Variants in TRPM5 observed in about 807,000 individuals in gnomAD.
TRPM5 encodes the protein transient receptor potential cation channel subfamily M member 5.
In TRPM5, 121 loss-of-function variants were observed where a neutral mutation model predicts 124.9. The observed-to-expected ratio is 0.97, with a 90% CI of 0.84 to 1.13. TRPM5 has a LOEUF of 1.13. Ranked by LOEUF, TRPM5 falls within the 50% of genes most tolerant of loss-of-function variation. The pLI, the probability that TRPM5 is intolerant of heterozygous loss-of-function variation, is 0.00. For missense variants in TRPM5, 1,643 were observed against 1,589.1 expected, an observed-to-expected ratio of 1.03 and a Z score of -0.58; for synonymous variants, 781 against 700.5, an observed-to-expected ratio of 1.11 and a Z score of -1.81.
intron 18 of TRPM5, among the ~76,000 whole-genome samples, chr11:2,409,391 C>G (rs1055497265): frequency 6.6e-6 from 1 of 152,156 alleles, no homozygotes; most frequent in African/African-American, 2.4e-5. Flanking sequence ...ATGAGACCCC[C>G]ACACCCTCCC....
At chr11:2,419,445 T>C (rs1376843807) in intron 4 of TRPM5, among the ~76,000 whole-genome samples, 1 of 75,988 alleles carries the variant, frequency 1.3e-5, no homozygotes, top group African/African-American at 6.3e-5. Flanking sequence ...CCGTCTCTAC[T>C]GGGAAAAAAA....
chr11:2,423,213 C>G (rs193052405), upstream of TRPM5, among the ~76,000 whole-genome samples: 692 of 152,282 alleles, frequency 4.5e-3, 6 homozygotes, highest in African/African-American at 0.016. Context: ...GACCTTCTCT[C>G]CAGCCAGGCC....
chr11:2,416,314 G>A lies in TRPM5; in HGVS notation c.1010-290C>T, dbSNP rs147100290. On this transcript the variant is annotated intron_variant, in intron 7 of 23. Transcript: ENST00000155858. ...GTACCCCAGCTAACACCTGGGCCTC[G>A]AGGCCACTTCCTGGCACTGAAGGTC... Among the ~76,000 whole-genome samples the A allele has an allele frequency of 4.7e-3, 710 of 152,328 alleles. 7 individuals are homozygous for A. Among genetic ancestry groups the A allele is most frequent in the Non-Finnish European group, 8.3e-3 (564 of 68,028 alleles).
the TRPM5 span, among the ~76,000 whole-genome samples, chr11:2,439,768 A>G: frequency 0.011 from 1,711 of 152,342 alleles, 29 homozygotes; most frequent in African/African-American, 0.037. Flanking sequence ...AGCAGTTTGG[A>G]GATTTCCCAA....
At chr11:2,422,802 G>T in intron 1 of TRPM5, 118 bp downstream of exon 6, 1 of 883,512 alleles carries the variant, frequency 1.1e-6, no homozygotes, top group Admixed American at 1.8e-5. Context: ...TATGGCCCCA[G>T]GGGAGCAGAC....
Position 2,422,061 on chromosome 11 carries a change from T to C in TRPM5, c.298+80A>G, listed in dbSNP as rs552056014. Reference sequence around the variant, plus strand: ...TGCCCTGTGGGGTGGGAGCACTGCCTGTGCCGGGTTGCGGGGACAGTCAGG... The same window carrying C: ...TGCCCTGTGGGGTGGGAGCACTGCCCGTGCCGGGTTGCGGGGACAGTCAGG... On this transcript the variant is annotated intron_variant, in intron 2 of 23. Transcript: ENST00000155858. 3 of 1,459,050 alleles carry C rather than the reference T, an allele frequency of 2.1e-6. No homozygotes were observed. The South Asian group carries it at 4.0e-5, about 20-fold the overall frequency. 90.4% of individuals were successfully genotyped at this position (1,459,050 alleles called of 1,614,324 possible).
At position 2,404,981 on chromosome 11, in the gene TRPM5, C is replaced by T. The variant is rs1850283638; in HGVS notation, c.3454G>A (p.Gly1152Ser). Residue 1152 changes from glycine to serine, a missense_variant, in exon 24 of 24, where the codon GGC (glycine) becomes AGC (serine). Physicochemically the swap from Gly to Ser is moderately conservative, Grantham distance 56. Coordinates refer to ENST00000155858, the Ensembl canonical transcript of TRPM5. Reference sequence around the variant, plus strand: ...TGGCCAGCCCCGGGTTGTTCCCAGCCATCTAAACCACCTCTGTGGTCAGCA... The same window carrying T: ...TGGCCAGCCCCGGGTTGTTCCCAGCTATCTAAACCACCTCTGTGGTCAGCA... 2 of 1,612,768 alleles carry T rather than the reference C, an allele frequency of 1.2e-6. No individual in the cohort carries two copies. Among genetic ancestry groups the T allele is most frequent in the Non-Finnish European group, 1.7e-6 (2 of 1,179,934 alleles).
chr11:2,413,212 AG>A lies in TRPM5; in HGVS notation c.2017del (p.Leu673Ter). On this transcript the variant is annotated frameshift_variant, in exon 14 of 24. Coordinates refer to ENST00000155858, the Ensembl canonical transcript of TRPM5. LOFTEE classifies it high-confidence loss of function. Reference sequence around the variant, plus strand: ...CTGCAGGTCCTCCAGGCCTGTCCTCAGGGGAGCTTCCTCACTGCGAGCACAG... The same window carrying A: ...CTGCAGGTCCTCCAGGCCTGTCCTCAGGGAGCTTCCTCACTGCGAGCACAG... 6.5e-7 allele frequency: 1 copy of A among 1,548,974 alleles called. No individual in the cohort carries two copies.
the TRPM5 span, among the ~76,000 whole-genome samples, chr11:2,443,771 G>A: frequency 2.6e-5 from 4 of 152,126 alleles, no homozygotes; most frequent in Non-Finnish European, 5.9e-5. The surrounding 1 kb of genome is among the most constrained non-coding windows in gnomAD (Gnocchi z 5.0). Context: ...CCTGCCTCAG[G>A]GCTGTGTGCA....
downstream of TRPM5, among the ~76,000 whole-genome samples, chr11:2,404,201 GGT>G (rs1371422115): frequency 1.3e-5 from 2 of 152,228 alleles, no homozygotes; most frequent in Non-Finnish European, 2.9e-5. Flanking sequence ...TGACAAAATG[GGT>G]GTGGACAGAG....
exon 23 of TRPM5, chr11:2,405,572 C>G (rs1322648712): frequency 6.4e-7 from 1 of 1,564,684 alleles, no homozygotes; most frequent in East Asian, 2.3e-5. Flanking sequence ...ACGGAGGACA[C>G]GAGCACCGAG....
At chr11:2,405,209 T>C (rs111762467) in intron 23 of TRPM5, among the ~76,000 whole-genome samples, 166 bp from the exon 29 acceptor site, 4,759 of 152,336 alleles carry the variant, frequency 0.031, 117 homozygotes, top group African/African-American at 0.055. Flanking sequence ...ACCAGGCCTC[T>C]GCCTGCACTC....
chr11:2,412,630 G>A (rs971240356), intron 15 of TRPM5, 124 bp downstream of exon 20: 4 of 1,073,448 alleles, frequency 3.7e-6, no homozygotes, highest in Non-Finnish European at 5.2e-6. Flanking sequence ...GGGAAGATGG[G>A]AGGCCCCCAT....
the TRPM5 span, among the ~76,000 whole-genome samples, chr11:2,442,975 C>T: frequency 1.4e-4 from 21 of 152,168 alleles, no homozygotes; most frequent in Admixed American, 3.3e-4. The surrounding 1 kb of genome is among the most constrained non-coding windows in gnomAD (Gnocchi z 5.9). Context: ...CCTTTGTGAT[C>T]GAAACTGCAA....
chr11:2,407,294 C>T (rs774395803), exon 20 of TRPM5: 37 of 1,608,730 alleles, frequency 2.3e-5, no homozygotes, highest in Non-Finnish European at 3.0e-5. Context: ...CCACCTGGAA[C>T]GTGTAGCTGC....
chr11:2,409,930 C>G (rs1018787333), intron 18 of TRPM5, among the ~76,000 whole-genome samples: 4 of 152,182 alleles, frequency 2.6e-5, no homozygotes, highest in Admixed American at 6.5e-5. Context: ...TATGGCCAGG[C>G]CTGTCTCCTC....
chr11:2,414,031 C>G, intron 12 of TRPM5, 30 bp downstream of exon 17: 1 of 1,531,984 alleles, frequency 6.5e-7, no homozygotes, highest in Non-Finnish European at 8.8e-7. Flanking sequence ...CACCCCCTGG[C>G]AGCTCTCCTC....
At chr11:2,420,383 G>T in exon 4 of TRPM5, 2 of 1,612,076 alleles carry the variant, frequency 1.2e-6, no homozygotes, top group Non-Finnish European at 1.7e-6. Context: ...GTCATCCTCA[G>T]GGTAGTGGAC....
chr11:2,443,833 C>CA, the TRPM5 span, among the ~76,000 whole-genome samples: 1 of 148,044 alleles, frequency 6.8e-6, no homozygotes, highest in African/African-American at 2.5e-5. This position sits in a 1 kb window ranked among gnomAD's most constrained non-coding sequence, Gnocchi z 5.0. Context: ...ACCCCCCCCC[C>CA]AAGCCTGAGA....
Sources: gnomAD v4.1 joint callset for allele counts (sites outside exome capture counted in the v4.1 genomes callset) on GRCh38, gnomAD v4.1.1 for gene constraint, Gnocchi (gnomAD v3.1) non-coding constraint, MANE v1.5 for transcripts, NCBI Gene and HGNC (gene_info 2026-07-23, HGNC 2026-07-21) for gene names.